Variants in TMEM245 observed in about 807,000 individuals in gnomAD.
TMEM245 encodes protein CG-2.
A neutral mutation model predicts 101.2 loss-of-function variants in TMEM245; 69 were observed. That is an observed-to-expected ratio of 0.68 (90% CI 0.56 to 0.83). The LOEUF is 0.83. Among genes scored for constraint, TMEM245 ranks in the 40% least tolerant of loss-of-function variants. TMEM245 has a pLI of 0.00. For synonymous variants in TMEM245, 537 were observed against 449.8 expected, an observed-to-expected ratio of 1.19 and a Z score of -2.45; for missense variants, 1,075 against 1,092.8, an observed-to-expected ratio of 0.98 and a Z score of 0.23.
chr9:109,073,509 T>C, intron 8 of TMEM245, 71 bp from the exon 9 acceptor site: 1 of 1,199,130 alleles, frequency 8.3e-7, no homozygotes, highest in African/African-American at 1.5e-5. Flanking sequence ...ATTTTTCTAC[T>C]CTATTATTGG....
intron 12 of TMEM245, among the ~76,000 whole-genome samples, chr9:109,055,312 A>G (rs1414378102): frequency 6.6e-6 from 1 of 152,206 alleles, no homozygotes; most frequent in Non-Finnish European, 1.5e-5. Context: ...CACTGGCATT[A>G]AAGAGCCAAC....
intron 7 of TMEM245, among the ~76,000 whole-genome samples, chr9:109,083,916 A>AC (rs781014271): frequency 1.5e-5 from 2 of 132,582 alleles, no homozygotes; most frequent in African/African-American, 2.7e-5. Flanking sequence ...AAAAAAAAAA[A>AC]AAAAAAAAAA....
chr9:109,039,977 G>T (rs927245680), intron 14 of TMEM245, among the ~76,000 whole-genome samples: 1 of 152,210 alleles, frequency 6.6e-6, no homozygotes, highest in South Asian at 2.1e-4. Flanking sequence ...GACATCAAAG[G>T]TGCAACAGAA....
intron 3 of TMEM245, among the ~76,000 whole-genome samples, chr9:109,104,586 CA>C (rs1830362876): frequency 6.6e-6 from 1 of 152,084 alleles, no homozygotes; most frequent in Non-Finnish European, 1.5e-5. Context: ...CCAAAATAGT[CA>C]AAACAATTTT....
At chr9:109,023,858 A>T (rs1001903982) in intron 17 of TMEM245, among the ~76,000 whole-genome samples, 1 of 151,524 alleles carries the variant, frequency 6.6e-6, no homozygotes, top group Non-Finnish European at 1.5e-5. Context: ...AAAAAAGAAT[A>T]AGCAATGCAG....
chr9:109,028,683 C>T (rs552464133), intron 17 of TMEM245, among the ~76,000 whole-genome samples: 8 of 152,144 alleles, frequency 5.3e-5, no homozygotes, highest in African/African-American at 1.7e-4. Context: ...GCGAGCTCTT[C>T]TTTTAAAAAG....
intron 3 of TMEM245, among the ~76,000 whole-genome samples, chr9:109,097,467 A>T (rs186681960): frequency 1.9e-3 from 296 of 152,318 alleles, no homozygotes; most frequent in African/African-American, 6.9e-3. Flanking sequence ...AGCACAGGTG[A>T]GGAAAGAAGA....
At chr9:109,077,747 T>G (rs1176210762) in intron 8 of TMEM245, among the ~76,000 whole-genome samples, 1 of 152,272 alleles carries the variant, frequency 6.6e-6, no homozygotes, top group Admixed American at 6.5e-5. Context: ...ATATTTTCTG[T>G]GGACAGTTTG....
rs758843879 is a variant in TMEM245 at position 109,090,920 on chromosome 9, A to G, written c.1150+2T>C. The stretch of plus-strand genomic sequence containing the variant: ...CGAGATCGTACTTAACCAGATAACG[A>G]CCTGCAATCGGCACTGGCAGCAACT... On this transcript the variant is annotated splice_donor_variant, in intron 5 of 17. Transcript: ENST00000374586. LOFTEE classifies it high-confidence loss of function. 6.2e-7 allele frequency: 1 copy of G among 1,613,916 alleles called. No homozygotes were observed. The highest frequency in any genetic ancestry group is 1.7e-5 in the Admixed American group (1 of 60,028).
intron 2 of TMEM245, 113 bp from the exon 3 acceptor site, chr9:109,106,722 A>G: frequency 3.0e-6 from 2 of 661,396 alleles, no homozygotes; most frequent in African/African-American, 1.8e-5. Flanking sequence ...TTAGTTACAG[A>G]ATTACTTATC....
chr9:109,033,832 G>A (rs186382184), intron 16 of TMEM245, among the ~76,000 whole-genome samples: 1 of 152,322 alleles, frequency 6.6e-6, no homozygotes, highest in African/African-American at 2.4e-5. Context: ...GACTGGTTAG[G>A]AGTCACCTGT....
intron 8 of TMEM245, among the ~76,000 whole-genome samples, chr9:109,080,461 T>C (rs1829634425): frequency 6.6e-6 from 1 of 151,982 alleles, no homozygotes; most frequent in African/African-American, 2.4e-5. Flanking sequence ...GAGACAAGGA[T>C]GGAAGGTGGT....
At chr9:109,096,016 G>A (rs552633617) in intron 3 of TMEM245, among the ~76,000 whole-genome samples, 1 of 152,190 alleles carries the variant, frequency 6.6e-6, no homozygotes, top group African/African-American at 2.4e-5. Flanking sequence ...CTGTGTTAAA[G>A]AGACGTAGAA....
chr9:109,050,608 A>G lies in TMEM245; in HGVS notation c.1939T>C (p.Tyr647His), dbSNP rs1255388973. 1 of 1,613,908 alleles carries G rather than the reference A, an allele frequency of 6.2e-7. No homozygotes were observed. Residue 647 changes from tyrosine (Y) to histidine (H), a missense_variant, in exon 13 of 18, where the codon TAC becomes CAC. Tyr to His is a moderately conservative substitution (Grantham distance 83, BLOSUM62 2). This residue lies in a region of TMEM245 where 267 missense variants were observed against 351.3 expected (regional missense o/e 0.76). Coordinates refer to ENST00000374586, the MANE Select transcript of TMEM245 (RefSeq NM_032012.4). The stretch of plus-strand genomic sequence containing the variant: ...AAATTGAGAAGGGCTGTCCCGCTGT[A>G]GAAGAGGATGGTCAAGAGTGTAGTG... The part of the protein sequence containing the change: ...TVTTLLTILF[Y>H]SGTALLNFVL...
At chr9:109,083,925 A>AAAAAAAAAAAAAAAAAC (rs1554725114) in intron 7 of TMEM245, among the ~76,000 whole-genome samples, 5 of 140,876 alleles carry the variant, frequency 3.5e-5, no homozygotes, top group East Asian at 4.6e-4. Flanking sequence ...AAAAAAAAAA[A>AAAAAAAAAAAAAAAAAC]AAAACACCAG....
At chr9:109,087,947 C>A (rs563035742) in intron 5 of TMEM245, among the ~76,000 whole-genome samples, 6 of 152,270 alleles carry the variant, frequency 3.9e-5, no homozygotes, top group Admixed American at 3.3e-4. Context: ...TACAAATGGC[C>A]CAAGGCTGTG....
intron 8 of TMEM245, among the ~76,000 whole-genome samples, chr9:109,080,103 C>CATAAACATACAA (rs1335439301): frequency 1.8e-4 from 27 of 152,036 alleles, no homozygotes; most frequent in Non-Finnish European, 3.5e-4. Context: ...TAGTTACCAA[C>CATAAACATACAA]ATGTCTCTAT....
At chr9:109,106,321 T>C (rs1830423019) in intron 3 of TMEM245, among the ~76,000 whole-genome samples, 187 bp downstream of exon 3, 1 of 149,338 alleles carries the variant, frequency 6.7e-6, no homozygotes, top group Non-Finnish European at 1.5e-5. Context: ...TATACATGCC[T>C]CAATAAAATA....
intron 3 of TMEM245, among the ~76,000 whole-genome samples, chr9:109,096,651 G>A (rs1007089111): frequency 1.3e-5 from 2 of 152,180 alleles, no homozygotes; most frequent in African/African-American, 4.8e-5. Context: ...GCCTGGGACA[G>A]TACAGTAGAA....
Sources: gnomAD v4.1 joint callset for allele counts (sites outside exome capture counted in the v4.1 genomes callset) on GRCh38, gnomAD v4.1.1 for gene constraint, gnomAD v4.1.1 regional missense constraint, MANE v1.5 for transcripts, NCBI Gene and HGNC (gene_info 2026-07-23, HGNC 2026-07-21) for gene names.